The following CDH13 variants were observed in gnomAD, a reference collection of about 807,000 sequenced individuals.
The protein encoded by CDH13 is cadherin 13.
In CDH13, 24 loss-of-function variants were observed where a neutral mutation model predicts 63.8. The ratio of observed to expected loss-of-function variants is 0.38; its 90% CI spans 0.27 to 0.53. CDH13 has a LOEUF of 0.53. Among genes scored for constraint, CDH13 ranks in the 20% least tolerant of loss-of-function variants. The pLI is 0.85. For synonymous variants in CDH13, 503 were observed against 355.3 expected, an observed-to-expected ratio of 1.42 and a Z score of -4.67; for missense variants, 1,049 against 903.1, an observed-to-expected ratio of 1.16 and a Z score of -2.07.
At chr16:83,524,571 G>C (rs2074914706) in intron 7 of CDH13, among the ~76,000 whole-genome samples, 1 of 143,358 alleles carries the variant, frequency 7.0e-6, no homozygotes, top group South Asian at 2.3e-4. Flanking sequence ...TCCTGCCTCA[G>C]CCTCCCAAGT....
intron 7 of CDH13, among the ~76,000 whole-genome samples, chr16:83,533,140 T>C (rs1468640231): frequency 6.6e-6 from 1 of 152,224 alleles, no homozygotes; most frequent in Non-Finnish European, 1.5e-5. Flanking sequence ...ATGCTAACTC[T>C]GTCTCCACTC....
rs78650814 is a variant in CDH13 at position 83,742,348 on chromosome 16, G to A, written c.1539-5760G>A. 7.4e-4 allele frequency among the ~76,000 whole-genome samples: 112 copies of A among 152,296 alleles called. 1 individual carries two copies. The highest frequency in any genetic ancestry group is 2.6e-3 in the African/African-American group (107 of 41,568). Reference sequence around the variant, plus strand: ...CGTCTCCCAACACCGACACCCAGAAGAGGCCGAGGCTTGGCAAGCACTCAG... The same window carrying A: ...CGTCTCCCAACACCGACACCCAGAAAAGGCCGAGGCTTGGCAAGCACTCAG... On this transcript the variant is annotated intron_variant, in intron 10 of 13. Transcript: ENST00000567109.
chr16:82,806,702 C>A (rs2037163105), intron 1 of CDH13, among the ~76,000 whole-genome samples: 1 of 152,014 alleles, frequency 6.6e-6, no homozygotes, highest in African/African-American at 2.4e-5. Context: ...CCAAGCTCTG[C>A]AGGGCAGGGA....
At position 82,918,471 on chromosome 16, in the gene CDH13, A is replaced by AT. The variant is rs567588545; in HGVS notation, c.157+59999dup. 3.4e-5 allele frequency among the ~76,000 whole-genome samples: 5 copies of AT among 147,458 alleles called. No individual in the cohort carries two copies. The South Asian group carries it at 1.1e-3, about 32-fold the overall frequency. ...TGTGGAATAAGTTCCTAGAAATAGG[A>AT]TGTCTCTCTGGGTCAAAAGGTATGT... On this transcript the variant is annotated intron_variant, in intron 2 of 13. Transcript: ENST00000567109.
At chr16:83,376,391 A>C (rs1256234911) in intron 6 of CDH13, among the ~76,000 whole-genome samples, 1 of 152,188 alleles carries the variant, frequency 6.6e-6, no homozygotes, top group East Asian at 1.9e-4. Context: ...AGAGTGAAAG[A>C]ATGGTGGTCG....
chr16:83,094,599 C>G (rs1288144890), intron 3 of CDH13, among the ~76,000 whole-genome samples: 1 of 152,138 alleles, frequency 6.6e-6, no homozygotes, highest in Non-Finnish European at 1.5e-5. Context: ...AAGGCAAGGC[C>G]TCTTAGTTTA....
intron 2 of CDH13, among the ~76,000 whole-genome samples, chr16:82,862,559 C>CT (rs11384016): frequency 0.76 from 114,606 of 151,780 alleles, 43,555 homozygotes; most frequent in East Asian, 0.88. Flanking sequence ...TAGAACTGTA[C>CT]TTTTTTTTCT....
At chr16:83,215,585 C>T (rs893690831) in intron 4 of CDH13, among the ~76,000 whole-genome samples, 2 of 151,138 alleles carry the variant, frequency 1.3e-5, no homozygotes, top group African/African-American at 2.4e-5. Flanking sequence ...GCACCATTGC[C>T]ACCTGGTGTC....
At chr16:83,178,050 C>T (rs200873906) in intron 4 of CDH13, among the ~76,000 whole-genome samples, 1 of 152,062 alleles carries the variant, frequency 6.6e-6, no homozygotes. Context: ...AAAATAGTAC[C>T]AGAACCCCTG....
At chr16:83,117,535 G>T (rs2035364234) in intron 3 of CDH13, among the ~76,000 whole-genome samples, 1 of 151,754 alleles carries the variant, frequency 6.6e-6, no homozygotes. Flanking sequence ...CCCTTTCTGT[G>T]GTTTGCCCCC....
chr16:83,135,240 T>C (rs1245766629), intron 4 of CDH13, among the ~76,000 whole-genome samples: 1 of 152,236 alleles, frequency 6.6e-6, no homozygotes, highest in Non-Finnish European at 1.5e-5. Flanking sequence ...TTAAGTAACT[T>C]GCCCAGGGTA....
chr16:82,886,059 T>C (rs2040877031), intron 2 of CDH13, among the ~76,000 whole-genome samples: 1 of 152,228 alleles, frequency 6.6e-6, no homozygotes, highest in Non-Finnish European at 1.5e-5. Context: ...GTCATAAATA[T>C]ACACATGTAT....
chr16:83,751,783 A>G (rs1913107459), intron 11 of CDH13, among the ~76,000 whole-genome samples: 1 of 152,236 alleles, frequency 6.6e-6, no homozygotes, highest in Non-Finnish European at 1.5e-5. Flanking sequence ...GAGAAATGCA[A>G]TATTCAGGTT....
chr16:82,979,783 T>C (rs887413140), intron 2 of CDH13, among the ~76,000 whole-genome samples: 3 of 152,136 alleles, frequency 2.0e-5, no homozygotes, highest in African/African-American at 7.2e-5. Context: ...CTGCCTTGCT[T>C]TTTTGAAAGA....
At chr16:83,787,421 C>G (rs1372476540) in intron 13 of CDH13, among the ~76,000 whole-genome samples, 1 of 152,202 alleles carries the variant, frequency 6.6e-6, no homozygotes, top group Non-Finnish European at 1.5e-5. Context: ...CACAGCGTTC[C>G]TTGGCTGAAC....
At chr16:83,077,436 G>C (rs1296470847) in intron 3 of CDH13, among the ~76,000 whole-genome samples, 1 of 151,646 alleles carries the variant, frequency 6.6e-6, no homozygotes, top group Non-Finnish European at 1.5e-5. Flanking sequence ...CAAGTGATCT[G>C]CCCACTTTGG....
chr16:83,013,162 C>G (rs184492052), intron 2 of CDH13, among the ~76,000 whole-genome samples: 2 of 152,146 alleles, frequency 1.3e-5, no homozygotes, highest in Non-Finnish European at 2.9e-5. Context: ...GGCTTATGAG[C>G]GAGATATTCT....
intron 6 of CDH13, among the ~76,000 whole-genome samples, chr16:83,373,655 G>T (rs958548500): frequency 6.6e-6 from 1 of 152,162 alleles, no homozygotes. Context: ...CAAAATATTT[G>T]TGGATTAAAG....
chr16:83,597,016 A>C (rs1907326739), intron 7 of CDH13, among the ~76,000 whole-genome samples: 1 of 152,196 alleles, frequency 6.6e-6, no homozygotes, highest in African/African-American at 2.4e-5. Context: ...TGAGCCCAGG[A>C]GTTCAAGACC....
Sources: gnomAD v4.1 joint callset for allele counts (sites outside exome capture counted in the v4.1 genomes callset) on GRCh38, gnomAD v4.1.1 for gene constraint, MANE v1.5 for transcripts, NCBI Gene and HGNC (gene_info 2026-07-23, HGNC 2026-07-21) for gene names.